The following HYAL4 variants were observed in gnomAD, a reference collection of about 807,000 sequenced individuals.
The protein encoded by HYAL4 is hyaluronidase 4.
HYAL4 carries 37 observed loss-of-function variants against 35.2 expected under a neutral mutation model. The ratio of observed to expected loss-of-function variants is 1.05; its 90% CI spans 0.81 to 1.38. HYAL4 has a LOEUF of 1.38. Among genes scored for constraint, HYAL4 ranks in the 40% most tolerant of loss-of-function variants. The pLI is 0.00. For synonymous variants in HYAL4, 198 were observed against 203.2 expected, an observed-to-expected ratio of 0.97 and a Z score of 0.22; for missense variants, 572 against 572.4, an observed-to-expected ratio of 1.00 and a Z score of 0.01.
chr7:123,846,021 C>T lies in HYAL4; in HGVS notation c.-122+336C>T, dbSNP rs566756878. Reference sequence around the variant, plus strand: ...TGTAAACCATCTGCAGGTCTCTCAGCCATGGATACCAGCACCTGCTCTGGT... The same window carrying T: ...TGTAAACCATCTGCAGGTCTCTCAGTCATGGATACCAGCACCTGCTCTGGT... On this transcript the variant is annotated intron_variant, in intron 1 of 4. Coordinates refer to ENST00000223026, the MANE Select transcript of HYAL4 (RefSeq NM_012269.3). Among the ~76,000 whole-genome samples, 6 of 152,178 alleles carry T rather than the reference C, an allele frequency of 3.9e-5. 1 individual carries two copies. The highest frequency in any genetic ancestry group is 3.9e-4 in the Admixed American group (6 of 15,270).
chr7:123,830,680 A>G (rs930703740), intron 1 of HYAL4, among the ~76,000 whole-genome samples: 110 of 152,316 alleles, frequency 7.2e-4, no homozygotes, highest in African/African-American at 2.6e-3. Flanking sequence ...GTATGTTATA[A>G]TCAGTCTTTC....
chr7:123,800,535 C>T, the HYAL4 span, among the ~76,000 whole-genome samples: 1 of 149,900 alleles, frequency 6.7e-6, no homozygotes, highest in South Asian at 2.1e-4. Context: ...GCTAAAATAT[C>T]AAATAAGCAT....
At chr7:123,790,888 C>T in the HYAL4 span, among the ~76,000 whole-genome samples, 1 of 151,912 alleles carries the variant, frequency 6.6e-6, no homozygotes, top group Non-Finnish European at 1.5e-5. Flanking sequence ...CCTCAGCCTC[C>T]CAAGTAGCTG....
At chr7:123,828,209 A>G (rs1382280685), upstream of HYAL4, among the ~76,000 whole-genome samples, 1 of 152,170 alleles carries the variant, frequency 6.6e-6, no homozygotes, top group Non-Finnish European at 1.5e-5. Context: ...ATGATCTTTT[A>G]TATTCTACCT....
the HYAL4 span, among the ~76,000 whole-genome samples, chr7:123,805,342 A>G: frequency 2.0e-5 from 3 of 152,182 alleles, no homozygotes; most frequent in African/African-American, 4.8e-5. Context: ...TTGGATATGA[A>G]TTTTATTCTT....
the HYAL4 span, among the ~76,000 whole-genome samples, chr7:123,806,784 CT>C: frequency 2.4e-4 from 37 of 152,026 alleles, no homozygotes; most frequent in Non-Finnish European, 4.1e-4. Context: ...CTCCTTCTGT[CT>C]CTCTCTCTTC....
At chr7:123,852,020 G>C (rs1806316616) in intron 2 of HYAL4, among the ~76,000 whole-genome samples, 1 of 151,720 alleles carries the variant, frequency 6.6e-6, no homozygotes, top group Admixed American at 6.6e-5. Flanking sequence ...CATCTTTGTT[G>C]GCCACATAAA....
At chr7:123,782,606 A>G in the HYAL4 span, among the ~76,000 whole-genome samples, 2 of 152,040 alleles carry the variant, frequency 1.3e-5, no homozygotes, top group Non-Finnish European at 2.9e-5. Flanking sequence ...GTCCTGGCAT[A>G]ATTATTAACT....
intron 2 of HYAL4, among the ~76,000 whole-genome samples, chr7:123,860,008 C>A (rs1157652353): frequency 6.6e-6 from 1 of 152,112 alleles, no homozygotes; most frequent in Non-Finnish European, 1.5e-5. Flanking sequence ...TGGGAGGGAC[C>A]TGTAATCCCC....
chr7:123,811,645 T>A, the HYAL4 span, among the ~76,000 whole-genome samples: 8 of 152,202 alleles, frequency 5.3e-5, no homozygotes, highest in Non-Finnish European at 8.8e-5. Flanking sequence ...TCTCATTTTC[T>A]TAACAGTGTC....
At chr7:123,872,106 G>A (rs1361457240) in intron 3 of HYAL4, among the ~76,000 whole-genome samples, 3 of 152,046 alleles carry the variant, frequency 2.0e-5, no homozygotes, top group Non-Finnish European at 2.9e-5. Flanking sequence ...CCCATCACCC[G>A]AAAAATGTAT....
chr7:123,774,208 T>A, the HYAL4 span, among the ~76,000 whole-genome samples: 54 of 152,168 alleles, frequency 3.5e-4, no homozygotes, highest in African/African-American at 1.2e-3. Flanking sequence ...GTTAATTTTT[T>A]AAAAACTTTC....
At chr7:123,869,511 CACTT>C (rs1189447875) in intron 3 of HYAL4, among the ~76,000 whole-genome samples, 1 of 152,162 alleles carries the variant, frequency 6.6e-6, no homozygotes, top group East Asian at 1.9e-4. Flanking sequence ...TAACTGTACT[CACTT>C]ACAATCGGGC....
chr7:123,806,728 A>T, the HYAL4 span, among the ~76,000 whole-genome samples: 1 of 152,014 alleles, frequency 6.6e-6, no homozygotes. Context: ...CTGAGATTAC[A>T]GGCATGAGCC....
chr7:123,874,821 TGG>T lies in HYAL4; in HGVS notation c.1018_1019del (p.Gly340ArgfsTer21). ...AALGAAGIVI[W>X]GDMNLTASKA... ...CTTGGGAGCTGCAGGCATTGTTATT[TGG>T]GGAGACATGAATTTAACTGCATCCA... On this transcript the variant is annotated frameshift_variant, in exon 4 of 5. Transcript: ENST00000223026. LOFTEE classifies it low-confidence loss of function (END_TRUNC). 6.2e-7 allele frequency: 1 copy of T among 1,606,002 alleles called. No homozygotes were observed. Among genetic ancestry groups the T allele is most frequent in the Non-Finnish European group, 8.5e-7 (1 of 1,172,514 alleles).
chr7:123,845,057 T>C (rs556083655), upstream of HYAL4: 1 of 152,322 alleles, frequency 6.6e-6, no homozygotes, highest in Non-Finnish European at 1.5e-5. Flanking sequence ...CCCAGTGAGA[T>C]GAACCAGGTA....
the HYAL4 span, among the ~76,000 whole-genome samples, chr7:123,817,519 T>C: frequency 2.0e-5 from 3 of 149,176 alleles, no homozygotes; most frequent in African/African-American, 7.4e-5. Flanking sequence ...TCTTTTTTTT[T>C]TTTTTTTTTG....
chr7:123,855,114 T>G (rs1055913197), intron 2 of HYAL4, among the ~76,000 whole-genome samples: 1 of 152,186 alleles, frequency 6.6e-6, no homozygotes, highest in African/African-American at 2.4e-5. Context: ...GTGTGATGGT[T>G]CTCCTGAATA....
chr7:123,838,704 T>A (rs1254203939), intron 1 of HYAL4, among the ~76,000 whole-genome samples: 1 of 152,200 alleles, frequency 6.6e-6, no homozygotes, highest in Non-Finnish European at 1.5e-5. Flanking sequence ...TGGGGAAGTT[T>A]TCCTCAATTA....
Sources: allele counts gnomAD v4.1 joint callset (sites outside exome capture counted in the v4.1 genomes callset), GRCh38; gene constraint gnomAD v4.1.1; transcripts MANE v1.5; gene names NCBI Gene and HGNC (gene_info 2026-07-23, HGNC 2026-07-21).